Variants in WDPCP observed in about 807,000 individuals in gnomAD.
WDPCP encodes the protein WD repeat containing planar cell polarity effector, also known as WD repeat-containing and planar cell polarity effector protein fritz homolog.
In WDPCP, 71 loss-of-function variants were observed where a neutral mutation model predicts 93.1. That is an observed-to-expected ratio of 0.76 (90% CI 0.63 to 0.93). The LOEUF (loss-of-function observed/expected upper bound fraction) is 0.93, where lower values mean the gene tolerates loss of function less well. WDPCP is among the 40% of genes least tolerant of loss of function. The probability of loss-of-function intolerance (pLI) is 0.00; values close to 1 mark genes in which losing one functional copy is unlikely to be tolerated. For synonymous variants in WDPCP, 315 were observed against 315.0 expected (o/e 1.00, Z 0.00); for missense variants, 844 against 887.4 (o/e 0.95, Z 0.62).
intron 15 of WDPCP, among the ~76,000 whole-genome samples, chr2:63,161,960 G>A (rs1672676734): frequency 6.6e-6 from 1 of 151,842 alleles, no homozygotes; most frequent in African/African-American, 2.4e-5. Flanking sequence ...AGTAGAGGTG[G>A]GGTTTCATCA....
chr2:63,213,438 A>G (rs1300421820), intron 14 of WDPCP, among the ~76,000 whole-genome samples: 1 of 152,230 alleles, frequency 6.6e-6, no homozygotes, highest in African/African-American at 2.4e-5. Flanking sequence ...GAACAAACAC[A>G]CAACATACCA....
intron 10 of WDPCP, among the ~76,000 whole-genome samples, chr2:63,392,321 CT>C (rs1402967968): frequency 6.6e-5 from 10 of 152,192 alleles, no homozygotes; most frequent in African/African-American, 2.4e-4. Flanking sequence ...GCTGGGAAAA[CT>C]GGCTAGCCAT....
intron 13 of WDPCP, among the ~76,000 whole-genome samples, chr2:63,303,465 C>G (rs189456091): frequency 1.8e-4 from 28 of 152,278 alleles, no homozygotes; most frequent in Admixed American, 1.0e-3. Context: ...CGCCTGGACC[C>G]TGGACTTTGC....
chr2:63,259,487 T>C, intron 13 of WDPCP, 78 bp from the exon 14 acceptor site: 1 of 1,118,074 alleles, frequency 8.9e-7, no homozygotes, highest in Non-Finnish European at 1.3e-6. Flanking sequence ...TGAAGGAAAC[T>C]TATTGTCCAG....
At chr2:63,622,865 G>A (rs1322373528) in intron 3 of WDPCP, 12 of 1,560,128 alleles carry the variant, frequency 7.7e-6, no homozygotes, top group South Asian at 3.4e-5. Context: ...CACCCGCGCA[G>A]CATCAGGGGT....
chr2:63,722,413 C>T (rs998593323), intron 2 of WDPCP, among the ~76,000 whole-genome samples: 2 of 150,892 alleles, frequency 1.3e-5, no homozygotes, highest in Admixed American at 6.6e-5. Context: ...CACCTCTGCC[C>T]GGCCGCGACC....
chr2:63,496,566 G>A (rs1701234772), intron 1 of WDPCP, among the ~76,000 whole-genome samples: 2 of 152,184 alleles, frequency 1.3e-5, no homozygotes, highest in African/African-American at 2.4e-5. Flanking sequence ...GGGAAATCCT[G>A]AGCATAGTAC....
At chr2:63,710,819 G>A (rs1669251177) in intron 2 of WDPCP, among the ~76,000 whole-genome samples, 1 of 152,172 alleles carries the variant, frequency 6.6e-6, no homozygotes, top group Non-Finnish European at 1.5e-5. Context: ...CCCCATGTGG[G>A]AAATAAACTA....
At chr2:63,801,472 C>T (rs867174751) in intron 2 of WDPCP, among the ~76,000 whole-genome samples, 4 of 152,138 alleles carry the variant, frequency 2.6e-5, no homozygotes, top group African/African-American at 9.7e-5. Context: ...GAACAAAGCT[C>T]CCACAGCATG....
At chr2:63,240,855 G>C (rs1258990919) in intron 14 of WDPCP, among the ~76,000 whole-genome samples, 1 of 152,090 alleles carries the variant, frequency 6.6e-6, no homozygotes, top group Non-Finnish European at 1.5e-5. Context: ...CACAGGAAAA[G>C]ACCACTACCT....
At chr2:63,724,475 T>C (rs1669469333) in intron 2 of WDPCP, among the ~76,000 whole-genome samples, 1 of 152,200 alleles carries the variant, frequency 6.6e-6, no homozygotes, top group African/African-American at 2.4e-5. Flanking sequence ...TAAATAGTCA[T>C]ATCTTTAAAA....
At chr2:63,529,729 T>C (rs991088527) in intron 1 of WDPCP, among the ~76,000 whole-genome samples, 15 of 152,146 alleles carry the variant, frequency 9.9e-5, no homozygotes, top group South Asian at 4.2e-4. Context: ...GCTGGCCTCA[T>C]AAAATGAGTT....
chr2:63,170,389 C>T (rs1673300125), intron 15 of WDPCP, among the ~76,000 whole-genome samples: 1 of 151,928 alleles, frequency 6.6e-6, no homozygotes, highest in African/African-American at 2.4e-5. Flanking sequence ...TCCCCTGCCT[C>T]AGCCTCCCAA....
rs886823216 is a variant in WDPCP at position 63,120,176 on chromosome 2, A to T, written c.*1830T>A. ...AATTCTGCAATCTTGACAAAACCCT[A>T]TTTTTTTAAATACAATTTTTTCTCT... On this transcript the variant is annotated 3_prime_UTR_variant, in exon 18 of 18. Transcript: ENST00000272321. Among the ~76,000 whole-genome samples the T allele has an allele frequency of 6.6e-6, 1 of 152,088 alleles. No homozygotes were observed. The highest frequency in any genetic ancestry group is 2.4e-5 in the African/African-American group (1 of 41,414).
intron 6 of WDPCP, among the ~76,000 whole-genome samples, chr2:63,453,825 T>A (rs1698433935): frequency 6.6e-6 from 1 of 151,744 alleles, no homozygotes; most frequent in Non-Finnish European, 1.5e-5. Context: ...ACCATCATTC[T>A]CAGCAAACTA....
At chr2:63,654,537 C>T (rs1484219002) in intron 2 of WDPCP, among the ~76,000 whole-genome samples, 1 of 152,166 alleles carries the variant, frequency 6.6e-6, no homozygotes. Context: ...CTTCTCCTTT[C>T]AGAGGAAAAG....
intron 10 of WDPCP, among the ~76,000 whole-genome samples, chr2:63,396,362 T>G (rs1693726541): frequency 2.0e-5 from 3 of 152,182 alleles, no homozygotes; most frequent in Admixed American, 6.5e-5. Context: ...CAGACAGACA[T>G]ACACACACAT....
intron 1 of WDPCP, among the ~76,000 whole-genome samples, chr2:63,512,244 G>C (rs1228555544): frequency 6.6e-6 from 1 of 152,150 alleles, no homozygotes; most frequent in African/African-American, 2.4e-5. Context: ...GGAAACAACA[G>C]ATACTAGAGA....
At chr2:63,235,837 A>T (rs1679341866) in intron 14 of WDPCP, among the ~76,000 whole-genome samples, 2 of 152,190 alleles carry the variant, frequency 1.3e-5, no homozygotes, top group African/African-American at 4.8e-5. Context: ...GCATAGAAAG[A>T]ACAAACCTCA....
Sources: gnomAD v4.1 joint callset for allele counts (sites outside exome capture counted in the v4.1 genomes callset) on GRCh38, gnomAD v4.1.1 for gene constraint, MANE v1.5 for transcripts, NCBI Gene and HGNC (gene_info 2026-07-23, HGNC 2026-07-21) for gene names.